PRICKLE2: variants seen among roughly 807,000 people sequenced by gnomAD.
PRICKLE2 encodes the protein prickle planar cell polarity protein 2.
PRICKLE2 carries 21 observed loss-of-function variants against 81.4 expected under a neutral mutation model. The ratio of observed to expected loss-of-function variants is 0.26; its 90% CI spans 0.18 to 0.37. The LOEUF is 0.37. PRICKLE2 is among the 10% of genes least tolerant of loss of function. PRICKLE2 has a pLI of 1.00. For synonymous variants in PRICKLE2, 456 were observed against 421.5 expected (o/e 1.08, Z -1.00); for missense variants, 940 against 1,109.0 (o/e 0.85, Z 2.16).
chr3:64,143,950 ATT>A (rs34605013), intron 7 of PRICKLE2, among the ~76,000 whole-genome samples: 3 of 143,324 alleles, frequency 2.1e-5, no homozygotes, highest in Admixed American at 1.4e-4. Flanking sequence ...CCAAGGCCTC[ATT>A]TTTTTTTTTT....
chr3:64,160,237 T>A (rs26942), intron 3 of PRICKLE2, among the ~76,000 whole-genome samples, 160 bp from the exon 4 acceptor site: 27,430 of 151,938 alleles, frequency 0.18, 2,795 homozygotes, highest in East Asian at 0.43. Flanking sequence ...TTAAGGTGAG[T>A]CTCTACTAAG....
chr3:64,129,415 C>G lies in PRICKLE2; in HGVS notation c.1660+17415G>C, dbSNP rs1344829299. On this transcript the variant is annotated intron_variant, in intron 7 of 7. Coordinates refer to ENST00000638394, the MANE Select transcript of PRICKLE2 (RefSeq NM_198859.4). ...TTGGAAGGCTTCACAGCTGTTAGCT[C>G]TATGTATGACAGCAGATCTTTGTCA... Among the ~76,000 whole-genome samples, 2 of 152,024 alleles carry G rather than the reference C, an allele frequency of 1.3e-5. 1 individual carries two copies. The highest frequency in any genetic ancestry group is 2.9e-5 in the Non-Finnish European group (2 of 68,022).
intron 1 of PRICKLE2, among the ~76,000 whole-genome samples, chr3:64,207,613 G>A (rs1353668679): frequency 2.0e-5 from 3 of 152,098 alleles, no homozygotes; most frequent in Non-Finnish European, 2.9e-5. Context: ...CTGAACTGGT[G>A]CCCTGCAGCA....
chr3:64,179,007 C>T (rs554324789), intron 2 of PRICKLE2, among the ~76,000 whole-genome samples: 1 of 146,154 alleles, frequency 6.8e-6, no homozygotes. Context: ...TTCTTTCTTT[C>T]TTTCTTTCTT....
At chr3:64,145,973 A>G (rs1485792282) in intron 7 of PRICKLE2, 4 of 151,986 alleles carry the variant, frequency 2.6e-5, no homozygotes, top group Non-Finnish European at 5.9e-5. Flanking sequence ...TTAGGATCTT[A>G]ATTTAAGAAT....
At position 64,093,959 on chromosome 3, in the gene PRICKLE2, A is replaced by G. The variant is rs1056419773; in HGVS notation, c.*5092T>C. 7 of 152,476 alleles carry G rather than the reference A, an allele frequency of 4.6e-5. No homozygotes were observed. The highest frequency in any genetic ancestry group is 1.7e-4 in the African/African-American group (7 of 41,290). The allele number at this position is 152,476 out of a possible 1,614,324, so 9.4% of individuals were successfully genotyped here. A position where few individuals can be genotyped will look rare whatever the true frequency, so the allele number is the denominator to read the frequency against. ...ATTTTACAGGGCACGGATCTCAAGC[A>G]AAGTGTTCAGAACAGTCTCTGGCAG... is the stretch of plus-strand genomic sequence containing the variant. On this transcript the variant is annotated 3_prime_UTR_variant, in exon 8 of 8. Coordinates refer to ENST00000638394, the MANE Select transcript of PRICKLE2 (RefSeq NM_198859.4).
intron 7 of PRICKLE2, among the ~76,000 whole-genome samples, chr3:64,131,335 C>A (rs1460976410): frequency 6.6e-6 from 1 of 152,196 alleles, no homozygotes; most frequent in African/African-American, 2.4e-5. Context: ...CAGGAGAAAG[C>A]CTTCTGTAAC....
intron 2 of PRICKLE2, among the ~76,000 whole-genome samples, chr3:64,193,003 G>C (rs1044158430): frequency 6.6e-6 from 1 of 152,140 alleles, no homozygotes; most frequent in Non-Finnish European, 1.5e-5. Context: ...TCCAATGAAA[G>C]CTATCCACCC....
chr3:64,132,177 T>C (rs1483556215), intron 7 of PRICKLE2, among the ~76,000 whole-genome samples: 1 of 152,240 alleles, frequency 6.6e-6, no homozygotes, highest in Non-Finnish European at 1.5e-5. Context: ...TTCAATGCAG[T>C]TAACCCTCAA....
At chr3:64,257,145 A>G (rs1333459773) in intron 2 of PRICKLE2, among the ~76,000 whole-genome samples, 1 of 152,226 alleles carries the variant, frequency 6.6e-6, no homozygotes, top group Non-Finnish European at 1.5e-5. Flanking sequence ...ATGTATCACC[A>G]GGAGCAGTTG....
At chr3:64,106,107 G>A (rs187041313) in intron 7 of PRICKLE2, 11 of 152,256 alleles carry the variant, frequency 7.2e-5, no homozygotes, top group Admixed American at 4.6e-4. Flanking sequence ...GTTTAGTAAG[G>A]CCTAAAATTC....
At chr3:64,227,807 T>C (rs1365748729), upstream of PRICKLE2, among the ~76,000 whole-genome samples, 1 of 152,316 alleles carries the variant, frequency 6.6e-6, no homozygotes, top group African/African-American at 2.4e-5. Flanking sequence ...CTATTGGTAA[T>C]ATTAATAGAA....
intron 2 of PRICKLE2, among the ~76,000 whole-genome samples, chr3:64,256,016 T>C (rs968628465): frequency 1.3e-5 from 2 of 152,156 alleles, no homozygotes; most frequent in Non-Finnish European, 2.9e-5. Context: ...TGTGACATAG[T>C]GAAGCTGCTA....
Position 64,153,212 on chromosome 3 carries a change from C to G in PRICKLE2, c.757G>C (p.Glu253Gln). 2.5e-6 allele frequency: 4 copies of G among 1,614,214 alleles called. No individual in the cohort carries two copies. Among genetic ancestry groups the G allele is most frequent in the Middle Eastern group, 1.6e-4 (1 of 6,062 alleles). The stretch of plus-strand genomic sequence containing the variant: ...TGTTGGGCACAGGTGTCACAATATT[C>G]TGCATACAAGGACTCGAAGCAGTGG... ...CCHCFESLYAEYCDTCAQHIG... is the reference protein window; with the variant it reads ...CCHCFESLYAQYCDTCAQHIG... The change falls in exon 6 of 8, where the codon GAA becomes CAA. Residue 253 changes from glutamate to glutamine, a missense_variant. Around this residue, in one of 2 missense-constraint regions of PRICKLE2, gnomAD observed 270 missense variants for 391.8 expected, o/e 0.69. Transcript: ENST00000638394.
At chr3:64,116,345 A>G (rs2076933672) in intron 7 of PRICKLE2, among the ~76,000 whole-genome samples, 1 of 152,166 alleles carries the variant, frequency 6.6e-6, no homozygotes, top group Admixed American at 6.6e-5. Context: ...AATAATCAAA[A>G]TTAGGGCTGA....
chr3:64,133,237 C>T (rs187863956), intron 7 of PRICKLE2, among the ~76,000 whole-genome samples: 22 of 152,240 alleles, frequency 1.4e-4, no homozygotes, highest in Middle Eastern at 3.4e-3. Flanking sequence ...GAAAGAGAGG[C>T]ACAATGGGTG....
intron 2 of PRICKLE2, among the ~76,000 whole-genome samples, chr3:64,264,463 C>T (rs977874032): frequency 1.2e-4 from 19 of 152,172 alleles, no homozygotes; most frequent in African/African-American, 3.6e-4. Flanking sequence ...ACTGGTAAGA[C>T]GTTAAGTCTG....
chr3:64,137,842 A>G (rs1369816616), intron 7 of PRICKLE2, among the ~76,000 whole-genome samples: 1 of 152,178 alleles, frequency 6.6e-6, no homozygotes, highest in East Asian at 1.9e-4. Context: ...ACAACAGGGC[A>G]CAGCTTCCTT....
chr3:64,258,893 G>GAAAGAAAGAAATAAAT (rs796940955), intron 2 of PRICKLE2, among the ~76,000 whole-genome samples: 44 of 140,952 alleles, frequency 3.1e-4, no homozygotes, highest in African/African-American at 1.1e-3. Context: ...AAGAAAGAAA[G>GAAAGAAAGAAATAAAT]AAATCAGGAG....
Sources: allele counts gnomAD v4.1 joint callset (sites outside exome capture counted in the v4.1 genomes callset), GRCh38; gene constraint gnomAD v4.1.1; regional missense constraint gnomAD v4.1.1; transcripts MANE v1.5; gene names NCBI Gene and HGNC (gene_info 2026-07-23, HGNC 2026-07-21).